ZNF793: variants seen among roughly 807,000 people sequenced by gnomAD.
ZNF793 encodes zinc finger protein 793.
Under a neutral mutation model 12.4 loss-of-function variants are expected in ZNF793, and 5 were observed. The ratio of observed to expected loss-of-function variants is 0.40; its 90% CI spans 0.21 to 0.84. The LOEUF is 0.84. ZNF793 is among the 40% of genes least tolerant of loss of function. The probability of loss-of-function intolerance (pLI) is 0.35; values close to 1 mark genes in which losing one functional copy is unlikely to be tolerated. For synonymous variants in ZNF793, 162 were observed against 172.4 expected (o/e 0.94, Z 0.47); for missense variants, 456 against 495.0 (o/e 0.92, Z 0.75).
intron 3 of ZNF793, among the ~76,000 whole-genome samples, chr19:37,521,429 CTT>C (rs74174472): frequency 1.0e-5 from 1 of 97,028 alleles, no homozygotes. Context: ...GGTCAATTCT[CTT>C]TTTTTTTTTT....
intron 5 of ZNF793, among the ~76,000 whole-genome samples, chr19:37,524,410 T>C (rs1188149795): frequency 6.6e-6 from 1 of 152,084 alleles, no homozygotes; most frequent in Non-Finnish European, 1.5e-5. Flanking sequence ...TTGATGGACA[T>C]TTGGGTAATT....
At chr19:37,517,411 G>A (rs574342557) in intron 2 of ZNF793, among the ~76,000 whole-genome samples, 5 of 145,320 alleles carry the variant, frequency 3.4e-5, no homozygotes, top group African/African-American at 1.0e-4. Context: ...AGCTGAGATC[G>A]CACCACCGCA....
chr19:37,524,164 TA>T (rs2042395924), intron 5 of ZNF793, among the ~76,000 whole-genome samples: 2 of 139,480 alleles, frequency 1.4e-5, no homozygotes, highest in South Asian at 4.5e-4. Flanking sequence ...ATAATAATAA[TA>T]ATAATAATAA....
chr19:37,537,359 A>C lies in ZNF793; in HGVS notation c.701A>C (p.Lys234Thr). The C allele has an allele frequency of 6.2e-7, 1 of 1,613,176 alleles. No homozygotes were observed. Among genetic ancestry groups the C allele is most frequent in the Non-Finnish European group, 8.5e-7 (1 of 1,179,488 alleles). Residue 234 changes from lysine (K) to threonine (T), a missense_variant, in exon 8 of 8, where the codon AAA becomes ACA. Transcript: ENST00000627814. ...EKPHVCSECGKAFCYKSEFIR... is the reference protein window; with the variant it reads ...EKPHVCSECGTAFCYKSEFIR... ...CCCCACGTCTGTAGTGAGTGTGGGA[A>C]AGCCTTCTGCTACAAGTCTGAATTC...
chr19:37,528,837 G>A (rs1402934693), intron 5 of ZNF793, among the ~76,000 whole-genome samples: 1 of 152,106 alleles, frequency 6.6e-6, no homozygotes, highest in Non-Finnish European at 1.5e-5. Context: ...AAATATTAGT[G>A]TCCCTTGGAG....
rs553980140 is a variant in ZNF793, at chr19:37,523,889, C to G, written c.15+435C>G. 3.2e-4 allele frequency among the ~76,000 whole-genome samples: 48 copies of G among 152,224 alleles called. 1 individual carries two copies. The highest frequency in any genetic ancestry group is 2.3e-3 in the South Asian group (11 of 4,818). On this transcript the variant is annotated intron_variant, in intron 5 of 7. Transcript: ENST00000627814. ...AGCCGGCCGCTAGGGGTAGCTCATG[C>G]CTGTAATCCCGGCACTTTGGGAGGC... is the stretch of plus-strand genomic sequence containing the variant.
chr19:37,514,019 C>T (rs943218172), intron 2 of ZNF793, among the ~76,000 whole-genome samples: 2 of 151,718 alleles, frequency 1.3e-5, no homozygotes, highest in Non-Finnish European at 2.9e-5. Context: ...TAATAAAAGT[C>T]AATAATATAG....
At chr19:37,525,802 G>T (rs565381110) in intron 5 of ZNF793, among the ~76,000 whole-genome samples, 1 of 152,288 alleles carries the variant, frequency 6.6e-6, no homozygotes, top group African/African-American at 2.4e-5. Flanking sequence ...GGCAGCTGTA[G>T]CCTTGATCTG....
chr19:37,542,577 C>A lies in ZNF793; in HGVS notation c.*4698C>A. The A allele has an allele frequency of 3.2e-6, 1 of 311,216 alleles. No individual in the cohort carries two copies. The highest frequency in any genetic ancestry group is 2.7e-5 in the South Asian group (1 of 36,434). The allele number at this position is 311,216 out of a possible 1,614,324, so 19.3% of individuals were successfully genotyped here. On this transcript the variant is annotated 3_prime_UTR_variant, in exon 8 of 8. Coordinates refer to ENST00000627814, the MANE Select transcript of ZNF793 (RefSeq NM_001013659.3). ...CCAAAACCAAAGCAAACACTAGAATCAAAGTAAATACCCATCAACTGGGAA... is the reference window on the plus strand; with the variant it reads ...CCAAAACCAAAGCAAACACTAGAATAAAAGTAAATACCCATCAACTGGGAA...
intron 2 of ZNF793, among the ~76,000 whole-genome samples, chr19:37,513,057 A>G (rs776280265): frequency 3.9e-5 from 6 of 152,192 alleles, no homozygotes; most frequent in Non-Finnish European, 7.3e-5. Flanking sequence ...GGAATACTAC[A>G]GAAGTGATCA....
In ZNF793 at chr19:37,537,831, G is replaced by C; in HGVS notation, c.1173G>C (p.Arg391=). Residue 391 remains arginine (R), a synonymous_variant, in exon 8 of 8, where the codon CGG becomes CGC. Coordinates refer to ENST00000627814, the MANE Select transcript of ZNF793 (RefSeq NM_001013659.3). ...GCAGACATCAGAAAATTCATGCTCGGAAGAATGCCTACAGGAATGAAAACT... is the reference window on the plus strand; with the variant it reads ...GCAGACATCAGAAAATTCATGCTCGCAAGAATGCCTACAGGAATGAAAACT... The part of the protein sequence containing the change: ...NLSRHQKIHA[R]KNAYRNENLI... 1 of 1,612,568 alleles carries C rather than the reference G, an allele frequency of 6.2e-7. No individual in the cohort carries two copies. The highest frequency in any genetic ancestry group is 8.5e-7 in the Non-Finnish European group (1 of 1,179,012).
intron 2 of ZNF793, among the ~76,000 whole-genome samples, chr19:37,516,833 A>C (rs1466234024): frequency 6.6e-6 from 1 of 151,984 alleles, no homozygotes; most frequent in Non-Finnish European, 1.5e-5. Flanking sequence ...TTTAGTAGAG[A>C]TGGGGTTTCA....
chr19:37,529,287 A>C (rs916616710), intron 5 of ZNF793, among the ~76,000 whole-genome samples: 1 of 152,076 alleles, frequency 6.6e-6, no homozygotes, highest in South Asian at 2.1e-4. Flanking sequence ...ACAGCGTTCC[A>C]TCTTTCTCTA....
rs535801014 is a variant in ZNF793 at position 37,540,931 on chromosome 19, A to G, written c.*3052A>G. ...ATCATACCATGTATAAAAACATCACATGTACCCAATAAATATATACAACAA... is the reference window on the plus strand; with the variant it reads ...ATCATACCATGTATAAAAACATCACGTGTACCCAATAAATATATACAACAA... On this transcript the variant is annotated 3_prime_UTR_variant, in exon 8 of 8. Transcript: ENST00000627814. The G allele has an allele frequency of 1.8e-4, 28 of 152,128 alleles. No homozygotes were observed. The East Asian group carries it at 4.4e-3, about 24-fold the overall frequency. 9.4% of individuals were successfully genotyped at this position (152,128 alleles called of 1,614,324 possible). A position where few individuals can be genotyped will look rare whatever the true frequency, so the allele number is the denominator to read the frequency against.
chr19:37,523,558 G>A lies in ZNF793; in HGVS notation c.15+104G>A, dbSNP rs150690123. On this transcript the variant is annotated intron_variant, in intron 5 of 7. Coordinates refer to ENST00000627814, the MANE Select transcript of ZNF793 (RefSeq NM_001013659.3). ...TATGTACAGTTTGTACATACAGGCT[G>A]GGTTCTCAGGGAAGCTGACTCATAG... is the stretch of plus-strand genomic sequence containing the variant. The A allele has an allele frequency of 1.3e-4, 145 of 1,107,034 alleles. No homozygotes were observed. The East Asian group carries it at 3.4e-3, about 26-fold the overall frequency. 68.6% of individuals were successfully genotyped at this position (1,107,034 alleles called of 1,614,324 possible). A position where few individuals can be genotyped will look rare whatever the true frequency, so the allele number is the denominator to read the frequency against.
At chr19:37,532,588 A>C in intron 6 of ZNF793, 106 bp downstream of exon 6, 1 of 1,311,556 alleles carries the variant, frequency 7.6e-7, no homozygotes, top group Non-Finnish European at 1.0e-6. Flanking sequence ...AGGCAGGTGG[A>C]TCACCTGAGG....
rs2042527549 is a variant in ZNF793 at position 37,538,322 on chromosome 19, C to T, written c.*443C>T. The T allele has an allele frequency of 2.0e-5, 3 of 153,562 alleles. No homozygotes were observed. The highest frequency in any genetic ancestry group is 7.3e-5 in the African/African-American group (3 of 41,286). 9.5% of individuals were successfully genotyped at this position (153,562 alleles called of 1,614,324 possible). A position where few individuals can be genotyped will look rare whatever the true frequency, so the allele number is the denominator to read the frequency against. On this transcript the variant is annotated 3_prime_UTR_variant, in exon 8 of 8. Transcript: ENST00000627814. ...TATTTTGAGTTGTATTCTCTGTTTCCCAGGCTGGAGTGCAATGGCACTATC... is the reference window on the plus strand; with the variant it reads ...TATTTTGAGTTGTATTCTCTGTTTCTCAGGCTGGAGTGCAATGGCACTATC...
At chr19:37,509,348 T>A (rs928383661) in intron 2 of ZNF793, among the ~76,000 whole-genome samples, 7 of 152,234 alleles carry the variant, frequency 4.6e-5, no homozygotes, top group Non-Finnish European at 4.4e-5. Context: ...TTTCTATTTC[T>A]GAGTTAGAAA....
intron 2 of ZNF793, among the ~76,000 whole-genome samples, chr19:37,512,672 GT>G (rs1375677762): frequency 6.6e-6 from 1 of 152,000 alleles, no homozygotes; most frequent in Non-Finnish European, 1.5e-5. Flanking sequence ...TACTCCTAAT[GT>G]GTATTTCCTA....
Sources: gnomAD v4.1 joint callset for allele counts (sites outside exome capture counted in the v4.1 genomes callset) on GRCh38, gnomAD v4.1.1 for gene constraint, MANE v1.5 for transcripts, NCBI Gene and HGNC (gene_info 2026-07-23, HGNC 2026-07-21) for gene names.